Variants in CEMIP2 observed in about 807,000 individuals in gnomAD.
The protein encoded by CEMIP2 is cell migration inducing hyaluronidase 2.
In CEMIP2, 79 loss-of-function variants were observed where a neutral mutation model predicts 146.9. That is an observed-to-expected ratio of 0.54 (90% CI 0.45 to 0.65). The LOEUF (loss-of-function observed/expected upper bound fraction) is 0.65, where lower values mean the gene tolerates loss of function less well. Ranked by LOEUF, CEMIP2 falls within the 30% of genes least tolerant of loss-of-function variation. CEMIP2 has a pLI of 0.00. For synonymous variants in CEMIP2, 601 were observed against 606.3 expected, an observed-to-expected ratio of 0.99 and a Z score of 0.13; for missense variants, 1,596 against 1,696.2, an observed-to-expected ratio of 0.94 and a Z score of 1.04.
rs770197176 is a variant in CEMIP2, at chr9:71,744,998, T to C, written c.1034+20A>G. The C allele has an allele frequency of 6.2e-7, 1 of 1,603,858 alleles. No homozygotes were observed. ...ACAGACACGGACTCTGATAGGGATC[T>C]GGGAAGAAGGTATGCCTACCTGTAG... On this transcript the variant is annotated intron_variant, in intron 4 of 23. Coordinates refer to ENST00000377044, the MANE Select transcript of CEMIP2 (RefSeq NM_013390.3).
At chr9:71,745,944 G>A (rs1402186584) in intron 3 of CEMIP2, among the ~76,000 whole-genome samples, 2 of 152,136 alleles carry the variant, frequency 1.3e-5, no homozygotes, top group Non-Finnish European at 2.9e-5. Flanking sequence ...CACCTCTCTG[G>A]AACTGTTTCC....
At chr9:71,705,022 G>T (rs1822693805) in intron 17 of CEMIP2, 1 of 525,770 alleles carries the variant, frequency 1.9e-6, no homozygotes, top group Non-Finnish European at 3.4e-6. Context: ...TGCTAGCCAA[G>T]ATCTTCATCA....
At chr9:71,714,785 CTGTAGCAGT>C in intron 15 of CEMIP2, 140 bp downstream of exon 15, 1 of 703,522 alleles carries the variant, frequency 1.4e-6, no homozygotes, top group Non-Finnish European at 2.2e-6. Flanking sequence ...GCAGTAGCAG[CTGTAGCAGT>C]AGTAGTAATA....
intron 1 of CEMIP2, among the ~76,000 whole-genome samples, chr9:71,758,530 T>C (rs906440921): frequency 6.6e-6 from 1 of 152,118 alleles, no homozygotes; most frequent in African/African-American, 2.4e-5. Context: ...AGACAGGTTA[T>C]GTAAGGAGGC....
rs544148829 is a variant in CEMIP2 at position 71,708,524 on chromosome 9, T to C, written c.2985+735A>G. ...TAGAGAAGTTAATTAACTTTTCCAA[T>C]GCATACTTTAGAAAATAACAAAGCC... On this transcript the variant is annotated intron_variant, in intron 17 of 23. Transcript: ENST00000377044. Among the ~76,000 whole-genome samples, 4 of 152,344 alleles carry C rather than the reference T, an allele frequency of 2.6e-5. No homozygotes were observed. In the East Asian group the frequency reaches 7.7e-4, roughly 29 times the overall value.
intron 14 of CEMIP2, among the ~76,000 whole-genome samples, chr9:71,715,712 CT>C (rs1823037767): frequency 6.8e-6 from 1 of 147,156 alleles, no homozygotes; most frequent in Non-Finnish European, 1.5e-5. Flanking sequence ...CAACCTTGAA[CT>C]CGAGCTCACA....
At chr9:71,752,923 G>A (rs1824305314) in intron 1 of CEMIP2, among the ~76,000 whole-genome samples, 1 of 152,098 alleles carries the variant, frequency 6.6e-6, no homozygotes, top group Admixed American at 6.5e-5. Context: ...TTGGTTTGTG[G>A]GGTTTGATTT....
intron 21 of CEMIP2, among the ~76,000 whole-genome samples, chr9:71,691,966 G>A (rs1248298333): frequency 1.3e-5 from 2 of 152,022 alleles, no homozygotes; most frequent in Non-Finnish European, 2.9e-5. Flanking sequence ...AAAATTAGCT[G>A]GGCATGGTGC....
chr9:71,757,323 C>G (rs1824491181), intron 1 of CEMIP2, among the ~76,000 whole-genome samples: 2 of 152,166 alleles, frequency 1.3e-5, no homozygotes, highest in African/African-American at 4.8e-5. Flanking sequence ...TGGGAAGAGC[C>G]AAGAAGTTGG....
Position 71,754,161 on chromosome 9 carries a change from A to G in CEMIP2, c.-12-3776T>C, listed in dbSNP as rs531339027. On this transcript the variant is annotated intron_variant, in intron 1 of 23. Coordinates refer to ENST00000377044, the MANE Select transcript of CEMIP2 (RefSeq NM_013390.3). ...AAACCAACATAGCACACGTATACCTATGTAACAAACCTGCACGTTGTACAC... is the reference window on the plus strand; with the variant it reads ...AAACCAACATAGCACACGTATACCTGTGTAACAAACCTGCACGTTGTACAC... Among the ~76,000 whole-genome samples the G allele has an allele frequency of 6.6e-5, 10 of 152,310 alleles. 1 individual carries two copies. The highest frequency in any genetic ancestry group is 6.2e-4 in the South Asian group (3 of 4,826).
chr9:71,716,663 C>G, intron 13 of CEMIP2, 111 bp from the exon 14 acceptor site: 1 of 850,362 alleles, frequency 1.2e-6, no homozygotes, highest in Admixed American at 2.8e-5. Flanking sequence ...AATATTTACT[C>G]TCTACATGAC....
chr9:71,735,042 AT>A lies in CEMIP2; in HGVS notation c.1205-49del, dbSNP rs759657839. On this transcript the variant is annotated intron_variant, in intron 5 of 23. Coordinates refer to ENST00000377044, the MANE Select transcript of CEMIP2 (RefSeq NM_013390.3). The stretch of plus-strand genomic sequence containing the variant: ...AAAAAGAAAGTGATACATTAACAGT[AT>A]TTTTTTCTCTCTAAAATGAACCCTC... The A allele has an allele frequency of 1.0e-5, 16 of 1,540,344 alleles. No individual in the cohort carries two copies. The African/African-American group carries it at 1.9e-4, about 19-fold the overall frequency.
chr9:71,694,088 C>T (rs1168349469), intron 21 of CEMIP2, among the ~76,000 whole-genome samples: 1 of 148,796 alleles, frequency 6.7e-6, no homozygotes, highest in Admixed American at 6.8e-5. Flanking sequence ...AAATAAATTT[C>T]TGTTGTTTAT....
intron 1 of CEMIP2, among the ~76,000 whole-genome samples, chr9:71,765,351 A>C (rs78684485): frequency 1.5e-3 from 232 of 152,348 alleles, no homozygotes; most frequent in Non-Finnish European, 2.9e-3. Context: ...ACAGTACTTT[A>C]TCATATATTA....
chr9:71,765,631 C>T (rs1447376436), intron 1 of CEMIP2, among the ~76,000 whole-genome samples: 3 of 152,182 alleles, frequency 2.0e-5, no homozygotes. Flanking sequence ...ATTGCTCCCC[C>T]ACCCCCAACT....
intron 1 of CEMIP2, among the ~76,000 whole-genome samples, chr9:71,760,415 T>A (rs1183087391): frequency 3.5e-5 from 5 of 143,756 alleles, no homozygotes; most frequent in Non-Finnish European, 7.9e-5. Flanking sequence ...CTTCTTAAAG[T>A]GAAATAAATG....
At chr9:71,701,378 T>C (rs763698977) in intron 18 of CEMIP2, among the ~76,000 whole-genome samples, 5 of 152,136 alleles carry the variant, frequency 3.3e-5, no homozygotes, top group Non-Finnish European at 5.9e-5. Context: ...AGTGCTGGGA[T>C]TACAGGCGTG....
At chr9:71,728,303 A>ACGTATATATATATATATG (rs1491281318) in intron 10 of CEMIP2, among the ~76,000 whole-genome samples, 1 of 24,656 alleles carries the variant, frequency 4.1e-5, no homozygotes, top group African/African-American at 1.3e-4. Context: ...ATATATATAC[A>ACGTATATATATATATATG]TATATATATA....
At position 71,700,420 on chromosome 9, in the gene CEMIP2, A is replaced by G. The variant is rs112635767; in HGVS notation, c.3377+222T>C. On this transcript the variant is annotated intron_variant, in intron 19 of 23. Coordinates refer to ENST00000377044, the MANE Select transcript of CEMIP2 (RefSeq NM_013390.3). ...TCGACAAGGGATAATTTCTTTCTCT[A>G]AATTGCCTCAATACGTATACAGCAA... 3.1e-3 allele frequency among the ~76,000 whole-genome samples: 477 copies of G among 152,292 alleles called. 1 individual carries two copies. The highest frequency in any genetic ancestry group is 0.011 in the African/African-American group (456 of 41,558).
Sources: allele counts gnomAD v4.1 joint callset (sites outside exome capture counted in the v4.1 genomes callset), GRCh38; gene constraint gnomAD v4.1.1; transcripts MANE v1.5; gene names NCBI Gene and HGNC (gene_info 2026-07-23, HGNC 2026-07-21).